Variants in CEP85L observed in about 807,000 individuals in gnomAD.
The protein encoded by CEP85L is centrosomal protein of 85 kDa-like.
A neutral mutation model predicts 100.3 loss-of-function variants in CEP85L; 60 were observed. The ratio of observed to expected loss-of-function variants is 0.60; its 90% confidence interval spans 0.49 to 0.74. The LOEUF (loss-of-function observed/expected upper bound fraction) is 0.74. Ranked by LOEUF, CEP85L falls within the 30% of genes least tolerant of loss-of-function variation. CEP85L has a pLI of 0.00. For missense variants in CEP85L, 973 were observed against 936.2 expected (o/e 1.04, Z -0.51); for synonymous variants, 319 against 322.7 (o/e 0.99, Z 0.12).
chr6:118,641,510 TTA>T (rs1469754414), intron 1 of CEP85L, among the ~76,000 whole-genome samples: 1 of 152,224 alleles, frequency 6.6e-6, no homozygotes, highest in Admixed American at 6.5e-5. Flanking sequence ...TATCAGAGCA[TTA>T]TGTTACATAT....
intron 2 of CEP85L, among the ~76,000 whole-genome samples, chr6:118,626,260 G>A (rs889406223): frequency 6.6e-6 from 1 of 152,092 alleles, no homozygotes; most frequent in African/African-American, 2.4e-5. Flanking sequence ...TTGCTTATAT[G>A]TTTTCTTCCC....
At chr6:118,608,688 T>C (rs1035114815) in intron 2 of CEP85L, among the ~76,000 whole-genome samples, 3 of 152,208 alleles carry the variant, frequency 2.0e-5, no homozygotes, top group Non-Finnish European at 2.9e-5. Flanking sequence ...TGTATTAAAT[T>C]TCCATATACG....
At chr6:118,519,165 GA>G (rs1039225681) in intron 4 of CEP85L, among the ~76,000 whole-genome samples, 2 of 151,712 alleles carry the variant, frequency 1.3e-5, no homozygotes, top group African/African-American at 4.8e-5. Context: ...AAGTTAGGGG[GA>G]AAAAAAGGGC....
intron 2 of CEP85L, among the ~76,000 whole-genome samples, chr6:118,627,156 G>A (rs188291133): frequency 5.4e-5 from 7 of 130,102 alleles, no homozygotes; most frequent in East Asian, 2.2e-4. Context: ...ACAAAATCCC[G>A]CCACCGCACT....
At chr6:118,553,676 A>T (rs1778682233) in intron 3 of CEP85L, among the ~76,000 whole-genome samples, 1 of 152,224 alleles carries the variant, frequency 6.6e-6, no homozygotes, top group Admixed American at 6.5e-5. Context: ...TTCCAGAAAC[A>T]AACTCTTCTT....
chr6:118,508,852 A>C (rs1775808637), intron 5 of CEP85L, among the ~76,000 whole-genome samples: 1 of 152,084 alleles, frequency 6.6e-6, no homozygotes, highest in African/African-American at 2.4e-5. Context: ...TGCATAAAAA[A>C]TTACATCATT....
rs187090233 is a variant in CEP85L at position 118,550,000 on chromosome 6, T to C, written c.1020+15529A>G. On this transcript the variant is annotated intron_variant, in intron 3 of 12. Transcript: ENST00000368491. ...TCTATACCTTAAGGTGCAAGTTAAG[T>C]ATTATCTTTGTTTATGAAGACATGT... Among the ~76,000 whole-genome samples, 8 of 152,018 alleles carry C rather than the reference T, an allele frequency of 5.3e-5. No homozygotes were observed. In the East Asian group the frequency reaches 1.3e-3, roughly 26 times the overall value.
intron 1 of CEP85L, among the ~76,000 whole-genome samples, chr6:118,672,889 A>G (rs1355012353): frequency 2.0e-5 from 3 of 151,924 alleles, no homozygotes; most frequent in Non-Finnish European, 2.9e-5. Flanking sequence ...ACAACGAAGA[A>G]GAAGAGAAAG....
At chr6:118,669,718 A>C (rs1347400232) in intron 1 of CEP85L, among the ~76,000 whole-genome samples, 2 of 151,878 alleles carry the variant, frequency 1.3e-5, no homozygotes, top group African/African-American at 4.8e-5. Context: ...CTAGGCTATT[A>C]CCTCTGGAGA....
rs201194991 is a variant in CEP85L, at chr6:118,465,032, G to GCA, written c.*371_*372dup. On this transcript the variant is annotated 3_prime_UTR_variant, in exon 13 of 13. Transcript: ENST00000368491. The stretch of plus-strand genomic sequence containing the variant: ...TTATAAATTTGTGAATAAAGCACGT[G>GCA]CACACACACACAACAACACACATAC... 8 of 161,296 alleles carry GCA rather than the reference G, an allele frequency of 5.0e-5. No individual in the cohort carries two copies. The highest frequency in any genetic ancestry group is 8.1e-5 in the Non-Finnish European group (6 of 74,114). The allele number at this position is 161,296 out of a possible 1,614,324, so 10.0% of individuals were successfully genotyped here.
At chr6:118,554,083 T>A (rs1298499573) in intron 3 of CEP85L, among the ~76,000 whole-genome samples, 1 of 152,010 alleles carries the variant, frequency 6.6e-6, no homozygotes, top group Non-Finnish European at 1.5e-5. Flanking sequence ...AGCTCAGGAG[T>A]TTGAGACCAG....
intron 3 of CEP85L, among the ~76,000 whole-genome samples, chr6:118,533,274 G>A (rs1017454610): frequency 1.3e-5 from 2 of 152,018 alleles, no homozygotes; most frequent in African/African-American, 4.8e-5. Context: ...AAGTTATTAG[G>A]GAGTAAAATA....
rs1041313451 is a variant in CEP85L at position 118,527,349 on chromosome 6, G to C, written c.1021-3429C>G. Among the ~76,000 whole-genome samples, 34 of 152,004 alleles carry C rather than the reference G, an allele frequency of 2.2e-4. 1 individual carries two copies. Among genetic ancestry groups the C allele is most frequent in the Admixed American group, 1.4e-3 (22 of 15,254 alleles). On this transcript the variant is annotated intron_variant, in intron 3 of 12. Coordinates refer to ENST00000368491, the MANE Select transcript of CEP85L (RefSeq NM_001042475.3). ...GCTTTCCCTGTACTGTCGGCTCGCT[G>C]TTTTCCTTCCCGCACAAAGCCAAGA... is the stretch of plus-strand genomic sequence containing the variant.
intron 2 of CEP85L, among the ~76,000 whole-genome samples, chr6:118,593,794 C>T (rs1230942070): frequency 2.0e-5 from 3 of 152,066 alleles, no homozygotes; most frequent in African/African-American, 7.2e-5. Context: ...TCTACTTCAA[C>T]AGCAAGTGGT....
intron 2 of CEP85L, chr6:118,589,691 CT>C: frequency 3.6e-6 from 1 of 280,858 alleles, no homozygotes. Context: ...AACTGGTGAC[CT>C]TCTATGAACA....
At position 118,574,141 on chromosome 6, in the gene CEP85L, T is replaced by A. The variant is rs376596467; in HGVS notation, c.233-7825A>T. 307 of 152,336 alleles carry A rather than the reference T, an allele frequency of 2.0e-3. 10 individuals carry two copies. The South Asian group carries it at 0.06, about 30-fold the overall frequency. The allele number at this position is 152,336 out of a possible 1,614,324, so 9.4% of individuals were successfully genotyped here. A position where few individuals can be genotyped will look rare whatever the true frequency, so the allele number is the denominator to read the frequency against. On this transcript the variant is annotated intron_variant, in intron 2 of 12. Transcript: ENST00000368491. Reference sequence around the variant, plus strand: ...TGTAACTAGCAAACCTCTTACTCTGTAAACAACTCTTTGTCAGCCCAGACA... The same window carrying A: ...TGTAACTAGCAAACCTCTTACTCTGAAAACAACTCTTTGTCAGCCCAGACA...
chr6:118,616,257 G>A (rs1773037081), intron 2 of CEP85L, among the ~76,000 whole-genome samples: 2 of 152,116 alleles, frequency 1.3e-5, no homozygotes, highest in South Asian at 4.1e-4. Context: ...CAGATGTGGT[G>A]GGTCATGCCT....
At chr6:118,519,808 T>C (rs1381765918) in intron 4 of CEP85L, among the ~76,000 whole-genome samples, 21 of 151,926 alleles carry the variant, frequency 1.4e-4, no homozygotes, top group Non-Finnish European at 3.1e-4. Context: ...CAAAAACCAG[T>C]GAATAATTCC....
chr6:118,650,896 C>T (rs920125662), intron 1 of CEP85L, among the ~76,000 whole-genome samples: 2 of 152,232 alleles, frequency 1.3e-5, no homozygotes, highest in Non-Finnish European at 2.9e-5. Context: ...AGGAAAAAAC[C>T]GGGCAGACAA....
Sources: gnomAD v4.1 joint callset for allele counts (sites outside exome capture counted in the v4.1 genomes callset) on GRCh38, gnomAD v4.1.1 for gene constraint, MANE v1.5 for transcripts, NCBI Gene and HGNC (gene_info 2026-07-23, HGNC 2026-07-21) for gene names.